Variants in SMARCA2 observed in about 807,000 individuals in gnomAD.
SMARCA2 encodes the protein SWI/SNF-related matrix-associated actin-dependent regulator of chromatin subfamily A member 2.
In SMARCA2, 61 loss-of-function variants were observed where a neutral mutation model predicts 199.8. The observed-to-expected ratio is 0.31, with a 90% CI of 0.25 to 0.38. SMARCA2 has a LOEUF of 0.38. Among genes scored for constraint, SMARCA2 ranks in the 10% least tolerant of loss-of-function variants. The pLI is 1.00. For synonymous variants in SMARCA2, 935 were observed against 732.0 expected (o/e 1.28, Z -4.48); for missense variants, 1,344 against 2,012.2 (o/e 0.67, Z 6.35).
chr9:2,112,881 C>T (rs1301036475), intron 24 of SMARCA2, among the ~76,000 whole-genome samples: 1 of 152,170 alleles, frequency 6.6e-6, no homozygotes, highest in Non-Finnish European at 1.5e-5. Flanking sequence ...CATACCTCAC[C>T]TCAAGTAATC....
intron 32 of SMARCA2, among the ~76,000 whole-genome samples, chr9:2,188,070 AATT>A (rs1435589122): frequency 6.6e-6 from 1 of 152,224 alleles, no homozygotes; most frequent in East Asian, 1.9e-4. Context: ...GCTTTTAAAA[AATT>A]ATTAGGTTTC....
chr9:2,037,144 T>C (rs148250273), intron 3 of SMARCA2, among the ~76,000 whole-genome samples: 289 of 152,314 alleles, frequency 1.9e-3, no homozygotes, highest in African/African-American at 6.8e-3. Flanking sequence ...AGACTGCCAT[T>C]TTGTACTAGC....
chr9:2,173,652 G>A (rs911270704), intron 29 of SMARCA2, among the ~76,000 whole-genome samples: 2 of 152,166 alleles, frequency 1.3e-5, no homozygotes, highest in Non-Finnish European at 2.9e-5. Flanking sequence ...TGGTGCATGA[G>A]CATTTCATGA....
intron 27 of SMARCA2, among the ~76,000 whole-genome samples, chr9:2,124,816 C>T (rs1408599368): frequency 6.6e-6 from 1 of 152,082 alleles, no homozygotes; most frequent in Non-Finnish European, 1.5e-5. Context: ...CTGTTCCATT[C>T]GAAGGGTTAG....
At position 2,060,800 on chromosome 9, in the gene SMARCA2, C is replaced by A; in HGVS notation, c.1522-16C>A. 6.2e-7 allele frequency: 1 copy of A among 1,612,580 alleles called. No homozygotes were observed. The highest frequency in any genetic ancestry group is 1.1e-5 in the South Asian group (1 of 90,762). On this transcript the variant is annotated splice_polypyrimidine_tract_variant and intron_variant, in intron 8 of 33. Coordinates refer to ENST00000349721, the MANE Select transcript of SMARCA2 (RefSeq NM_003070.5). ...GCTTATATTATGCTCTCATCCTGCT[C>A]TTCTTTCCTTAATAGGCTGAAGATG... is the stretch of plus-strand genomic sequence containing the variant.
intron 3 of SMARCA2, among the ~76,000 whole-genome samples, chr9:2,034,242 C>CAAA (rs759792374): frequency 2.2e-4 from 14 of 64,064 alleles, no homozygotes; most frequent in Admixed American, 4.7e-4. Context: ...GACTGCGTCT[C>CAAA]AAAAAAAAAA....
chr9:2,102,410 A>T (rs1254035363), intron 22 of SMARCA2, among the ~76,000 whole-genome samples: 1 of 152,180 alleles, frequency 6.6e-6, no homozygotes, highest in African/African-American at 2.4e-5. Flanking sequence ...AACAGTTCTC[A>T]GAGTGGAGGA....
Position 2,039,217 on chromosome 9 carries a change from A to C in SMARCA2, c.356-249A>C, listed in dbSNP as rs1429010696. ...ATGTTGGTTTAAGTAAAATACATTTAAATTAACTTTACCTGCTTTTTTTTT... is the reference window on the plus strand; with the variant it reads ...ATGTTGGTTTAAGTAAAATACATTTCAATTAACTTTACCTGCTTTTTTTTT... On this transcript the variant is annotated intron_variant, in intron 3 of 33. Coordinates refer to ENST00000349721, the MANE Select transcript of SMARCA2 (RefSeq NM_003070.5). This position sits in a 1 kb window ranked among gnomAD's most constrained non-coding sequence, Gnocchi z 4.8. Among the ~76,000 whole-genome samples the C allele has an allele frequency of 6.6e-6, 1 of 151,986 alleles. No homozygotes were observed. Among genetic ancestry groups the C allele is most frequent in the Non-Finnish European group, 1.5e-5 (1 of 67,992 alleles).
intron 9 of SMARCA2, among the ~76,000 whole-genome samples, chr9:2,066,858 C>T (rs1005990218): frequency 3.9e-5 from 6 of 152,152 alleles, no homozygotes; most frequent in African/African-American, 1.2e-4. Context: ...AGAGACTGTC[C>T]GAAGTCAGCT....
chr9:2,161,961 C>A lies in SMARCA2; in HGVS notation c.4199+58C>A, dbSNP rs1044952507. The A allele has an allele frequency of 2.1e-6, 3 of 1,405,656 alleles. No homozygotes were observed. The highest frequency in any genetic ancestry group is 2.9e-5 in the African/African-American group (2 of 69,738). 87.1% of individuals were successfully genotyped at this position (1,405,656 alleles called of 1,614,324 possible). ...CTCACCAAGACGCCGAGTGGCGCTC[C>A]CTGAGGAGCAGGAGTTGTTAAGTTG... On this transcript the variant is annotated intron_variant, in intron 28 of 33. Transcript: ENST00000349721. The surrounding 1 kb of genome is among the most constrained non-coding windows in gnomAD (Gnocchi z 4.7).
Position 2,193,047 on chromosome 9 carries a change from G to C in SMARCA2, c.*308G>C, listed in dbSNP as rs952717891. 7.1e-6 allele frequency: 2 copies of C among 282,824 alleles called. No individual in the cohort carries two copies. Among genetic ancestry groups the C allele is most frequent in the Non-Finnish European group, 1.3e-5 (2 of 153,600 alleles). 17.5% of individuals were successfully genotyped at this position (282,824 alleles called of 1,614,324 possible). ...CTATGGGTGGGTCTAATTTGGTAAC[G>C]GTTTGATTGTGCCTGGTTTTATCAC... On this transcript the variant is annotated 3_prime_UTR_variant, in exon 34 of 34. Coordinates refer to ENST00000349721, the MANE Select transcript of SMARCA2 (RefSeq NM_003070.5).
At chr9:2,158,620 G>C (rs1360499152) in intron 27 of SMARCA2, 1 of 242,528 alleles carries the variant, frequency 4.1e-6, no homozygotes, top group East Asian at 7.7e-5. Context: ...CTTTTTGGGG[G>C]TAGTACTTTA....
intron 27 of SMARCA2, among the ~76,000 whole-genome samples, chr9:2,154,000 C>G (rs1443561326): frequency 6.6e-6 from 1 of 152,134 alleles, no homozygotes; most frequent in Non-Finnish European, 1.5e-5. Flanking sequence ...TTATTGTTTT[C>G]TGCTATAACG....
chr9:2,083,189 T>TC (rs1286721054), intron 15 of SMARCA2, among the ~76,000 whole-genome samples, 158 bp from the exon 16 acceptor site: 4 of 152,232 alleles, frequency 2.6e-5, no homozygotes, highest in Non-Finnish European at 5.9e-5. Flanking sequence ...TGAACTTATC[T>TC]CCTATTTCCA....
chr9:2,131,662 C>G (rs543655773), intron 27 of SMARCA2, among the ~76,000 whole-genome samples: 11 of 152,286 alleles, frequency 7.2e-5, no homozygotes, highest in African/African-American at 2.6e-4. Context: ...GGGTTTTCTT[C>G]TTCCCAAAGT....
At chr9:2,088,145 T>A (rs755763355) in intron 18 of SMARCA2, among the ~76,000 whole-genome samples, 1 of 152,232 alleles carries the variant, frequency 6.6e-6, no homozygotes, top group South Asian at 2.1e-4. Flanking sequence ...AGGGAACATA[T>A]TAACTGTTGC....
At chr9:2,036,620 C>T (rs551643039) in intron 3 of SMARCA2, among the ~76,000 whole-genome samples, 6 of 152,214 alleles carry the variant, frequency 3.9e-5, no homozygotes, top group African/African-American at 1.4e-4. Flanking sequence ...ATTCACATCC[C>T]CTACAAATTC....
At chr9:2,102,966 T>G (rs12345679) in intron 22 of SMARCA2, among the ~76,000 whole-genome samples, 8,921 of 151,538 alleles carry the variant, frequency 0.059, 873 homozygotes, top group African/African-American at 0.2. Flanking sequence ...TCCCTGTTTT[T>G]TTTTTTTTTT....
chr9:2,151,560 C>A (rs1012654634), intron 27 of SMARCA2, among the ~76,000 whole-genome samples: 1 of 151,854 alleles, frequency 6.6e-6, no homozygotes, highest in Non-Finnish European at 1.5e-5. Context: ...AGTGAAACCC[C>A]GTCTTTACTA....
Sources: allele counts gnomAD v4.1 joint callset (sites outside exome capture counted in the v4.1 genomes callset), GRCh38; gene constraint gnomAD v4.1.1; non-coding constraint Gnocchi (gnomAD v3.1); transcripts MANE v1.5; gene names NCBI Gene and HGNC (gene_info 2026-07-23, HGNC 2026-07-21).